The following SDK2 variants were observed in gnomAD, a reference collection of about 807,000 sequenced individuals.
The protein encoded by SDK2 is protein sidekick-2.
A neutral mutation model predicts 253.9 loss-of-function variants in SDK2; 105 were observed. The ratio of observed to expected loss-of-function variants is 0.41; its 90% CI spans 0.35 to 0.49. The LOEUF is 0.49. SDK2 is among the 20% of genes least tolerant of loss of function. The pLI is 0.06. For missense variants in SDK2, 2,608 were observed against 3,003.0 expected (o/e 0.87, Z 3.07); for synonymous variants, 1,249 against 1,234.9 (o/e 1.01, Z -0.24).
intron 37 of SDK2, among the ~76,000 whole-genome samples, chr17:73,366,548 GAAC>G (rs1385492535): frequency 6.6e-6 from 1 of 152,180 alleles, no homozygotes; most frequent in Non-Finnish European, 1.5e-5. Flanking sequence ...GCAGCAGGTT[GAAC>G]AAGATGCTCA....
Position 73,570,829 on chromosome 17 carries a change from C to G in SDK2, c.65-63232G>C, listed in dbSNP as rs927502353. Among the ~76,000 whole-genome samples the G allele has an allele frequency of 2.0e-5, 3 of 152,156 alleles. No homozygotes were observed. Among genetic ancestry groups the G allele is most frequent in the Non-Finnish European group, 4.4e-5 (3 of 68,040 alleles). On this transcript the variant is annotated intron_variant, in intron 1 of 44. Coordinates refer to ENST00000392650, the MANE Select transcript of SDK2 (RefSeq NM_001144952.2). This position sits in a 1 kb window ranked among gnomAD's most constrained non-coding sequence, Gnocchi z 4.2. ...CTCACTGGACTGAACTGAGTTTAGC[C>G]CGAAATGCTCCTCCCAGGCCTGCAG...
At position 73,511,508 on chromosome 17, in the gene SDK2, C is replaced by T. The variant is rs2063980278; in HGVS notation, c.65-3911G>A. Among the ~76,000 whole-genome samples the T allele has an allele frequency of 6.6e-6, 1 of 152,196 alleles. No homozygotes were observed. Among genetic ancestry groups the T allele is most frequent in the South Asian group, 2.1e-4 (1 of 4,830 alleles). On this transcript the variant is annotated intron_variant, in intron 1 of 44. Transcript: ENST00000392650. The surrounding 1 kb of genome is among the most constrained non-coding windows in gnomAD (Gnocchi z 4.9). Reference sequence around the variant, plus strand: ...AATGACTTTTGCTTGGATGGGTTGACTCCAGAGGCTGCTGGAGATAATGAC... The same window carrying T: ...AATGACTTTTGCTTGGATGGGTTGATTCCAGAGGCTGCTGGAGATAATGAC...
At chr17:73,479,804 C>T (rs968723832) in intron 2 of SDK2, among the ~76,000 whole-genome samples, 1 of 152,236 alleles carries the variant, frequency 6.6e-6, no homozygotes, top group African/African-American at 2.4e-5. Context: ...AATTCTCCTG[C>T]CTCAGCCTCC....
At chr17:73,341,230 C>CTTT (rs11347151) in intron 44 of SDK2, among the ~76,000 whole-genome samples, 16,828 of 120,064 alleles carry the variant, frequency 0.14, 1,414 homozygotes, top group South Asian at 0.2. Flanking sequence ...TTATTCCTGA[C>CTTT]TTTTTTTTTT....
chr17:73,354,682 C>T (rs928624745), intron 40 of SDK2, among the ~76,000 whole-genome samples: 6 of 152,296 alleles, frequency 3.9e-5, no homozygotes, highest in African/African-American at 1.2e-4. Context: ...CAGTGGCCAA[C>T]AGTGGGTCTT....
At chr17:73,346,203 C>T (rs2062482646) in intron 44 of SDK2, among the ~76,000 whole-genome samples, 1 of 149,390 alleles carries the variant, frequency 6.7e-6, no homozygotes, top group Non-Finnish European at 1.5e-5. Flanking sequence ...GGCGAAACTC[C>T]GTCTCAAGAA....
chr17:73,621,880 T>C (rs752128025), intron 1 of SDK2, among the ~76,000 whole-genome samples: 6 of 152,080 alleles, frequency 3.9e-5, no homozygotes, highest in Non-Finnish European at 7.4e-5. Context: ...TTTGAAGAAA[T>C]AATGGTTCCC....
In SDK2 at chr17:73,398,160, C is replaced by A. The variant is rs959570258; in HGVS notation, c.3229G>T (p.Val1077Leu). Residue 1077 changes from valine (V) to leucine (L), a missense_variant, in exon 24 of 45, where the codon GTG becomes TTG. Coordinates refer to ENST00000392650, the MANE Select transcript of SDK2 (RefSeq NM_001144952.2). ...YSFRMRQVNI[V>L]GTSPPSQPSR... Reference sequence around the variant, plus strand: ...GGCTGACTGGGGGGGCTGGTGCCCACGATGTTCACCTGGCGCATGCGGAAG... The same window carrying A: ...GGCTGACTGGGGGGGCTGGTGCCCAAGATGTTCACCTGGCGCATGCGGAAG... 1 of 1,613,222 alleles carries A rather than the reference C, an allele frequency of 6.2e-7. No individual in the cohort carries two copies. Among genetic ancestry groups the A allele is most frequent in the Non-Finnish European group, 8.5e-7 (1 of 1,179,606 alleles).
At chr17:73,403,381 C>G (rs1371809641) in intron 18 of SDK2, among the ~76,000 whole-genome samples, 2 of 152,180 alleles carry the variant, frequency 1.3e-5, no homozygotes, top group African/African-American at 4.8e-5. Context: ...GGAAATCCCT[C>G]AAGTTCTTGC....
intron 36 of SDK2, among the ~76,000 whole-genome samples, chr17:73,378,568 T>C (rs2062803495): frequency 6.6e-6 from 1 of 151,968 alleles, no homozygotes; most frequent in Non-Finnish European, 1.5e-5. Flanking sequence ...TACCGGTGCC[T>C]GCCACCATGC....
At chr17:73,486,902 G>C (rs945890951) in intron 2 of SDK2, among the ~76,000 whole-genome samples, 1 of 152,148 alleles carries the variant, frequency 6.6e-6, no homozygotes, top group African/African-American at 2.4e-5. Context: ...CTGTGGGAAG[G>C]CACAGGTGAG....
chr17:73,350,754 A>G lies in SDK2; in HGVS notation c.5795T>C (p.Phe1932Ser). The part of the protein sequence containing the change: ...KANPFYEEWW[F>S]LVVIALVGLI... ...GCCGACCAGGGCAATGACCACCAAGAACCACCACTCCTCATAGAAGGGGTT... is the reference window on the plus strand; with the variant it reads ...GCCGACCAGGGCAATGACCACCAAGGACCACCACTCCTCATAGAAGGGGTT... The change falls in exon 42 of 45, where the codon TTC becomes TCC. Residue 1932 changes from phenylalanine (F) to serine (S), a missense_variant. This residue lies in a region of SDK2 where 1,103 missense variants were observed against 1,143.9 expected (regional missense o/e 0.96). Coordinates refer to ENST00000392650, the MANE Select transcript of SDK2 (RefSeq NM_001144952.2). 6.2e-7 allele frequency: 1 copy of G among 1,613,320 alleles called. No homozygotes were observed. The highest frequency in any genetic ancestry group is 1.1e-5 in the South Asian group (1 of 91,040).
intron 3 of SDK2, among the ~76,000 whole-genome samples, chr17:73,471,525 G>A (rs937429280): frequency 3.9e-5 from 6 of 152,184 alleles, no homozygotes; most frequent in Non-Finnish European, 8.8e-5. Context: ...CTTGAACCTG[G>A]AAGCGGAGGT....
rs759080525 is a variant in SDK2 at position 73,338,691 on chromosome 17, T to C, written c.6415A>G (p.Asn2139Asp). The C allele has an allele frequency of 2.5e-6, 4 of 1,604,328 alleles. No individual in the cohort carries two copies. The highest frequency in any genetic ancestry group is 3.4e-6 in the Non-Finnish European group (4 of 1,174,966). The change falls in exon 45 of 45, where the codon AAC (asparagine) becomes GAC (aspartate). Residue 2139 changes from asparagine (N) to aspartate (D), a missense_variant. Physicochemically the swap from Asn to Asp is conservative, Grantham distance 23 (BLOSUM62 1). Coordinates refer to ENST00000392650, the MANE Select transcript of SDK2 (RefSeq NM_001144952.2). The surrounding 1 kb of genome is among the most constrained non-coding windows in gnomAD (Gnocchi z 5.0). ...TGCTGACTTGGGGGGTTAGGGGGGTTCTGGGGCGTTGGAGTCCGACTGGCC... is the reference window on the plus strand; with the variant it reads ...TGCTGACTTGGGGGGTTAGGGGGGTCCTGGGGCGTTGGAGTCCGACTGGCC... ...PKASRTPTPQ[N>D]PPNPPSQQST...
At position 73,400,890 on chromosome 17, in the gene SDK2, C is replaced by T. The variant is rs140226346; in HGVS notation, c.2971+130G>A. On this transcript the variant is annotated intron_variant, in intron 21 of 44. Coordinates refer to ENST00000392650, the MANE Select transcript of SDK2 (RefSeq NM_001144952.2). ...CTCGAACTCCTGACCTCAAGTGATA[C>T]GCCTGCCTCAGCCTCCCAAGGTGCT... 1.5e-3 allele frequency: 1,257 copies of T among 855,234 alleles called. 8 individuals are homozygous for T. The African/African-American group carries it at 0.019, about 13-fold the overall frequency. 53.0% of individuals were successfully genotyped at this position (855,234 alleles called of 1,614,324 possible).
chr17:73,523,459 G>A (rs1006610361), intron 1 of SDK2, among the ~76,000 whole-genome samples: 38 of 151,982 alleles, frequency 2.5e-4, no homozygotes, highest in African/African-American at 8.9e-4. Context: ...TTAAGATGAG[G>A]TCATGAGAGG....
intron 5 of SDK2, 127 bp from the exon 6 acceptor site, chr17:73,441,050 C>T (rs2063411819): frequency 3.0e-6 from 2 of 674,706 alleles, no homozygotes; most frequent in Non-Finnish European, 5.1e-6. Context: ...ATGGGGGCAG[C>T]CCCAGAGCAG....
intron 22 of SDK2, among the ~76,000 whole-genome samples, chr17:73,398,888 C>T (rs1407452199): frequency 6.6e-6 from 1 of 152,164 alleles, no homozygotes; most frequent in African/African-American, 2.4e-5. Flanking sequence ...TTCCAGGGTA[C>T]AGCCAAGGCG....
chr17:73,577,828 TTC>T, intron 1 of SDK2, among the ~76,000 whole-genome samples: 1 of 152,298 alleles, frequency 6.6e-6, no homozygotes, highest in Admixed American at 6.5e-5. Flanking sequence ...TGTGAATACG[TTC>T]TGTTATGTGG....
Sources: allele counts gnomAD v4.1 joint callset (sites outside exome capture counted in the v4.1 genomes callset), GRCh38; gene constraint gnomAD v4.1.1; regional missense constraint gnomAD v4.1.1; non-coding constraint Gnocchi (gnomAD v3.1); transcripts MANE v1.5; gene names NCBI Gene and HGNC (gene_info 2026-07-23, HGNC 2026-07-21).